The following R3HDM1 variants were observed in gnomAD, a reference collection of about 807,000 sequenced individuals.
R3HDM1 encodes the protein R3H domain containing 1.
A neutral mutation model predicts 141.1 loss-of-function variants in R3HDM1; 46 were observed. The ratio of observed to expected loss-of-function variants is 0.33; its 90% CI spans 0.26 to 0.42. R3HDM1 has a LOEUF of 0.42. Ranked by LOEUF, R3HDM1 falls within the 10% of genes least tolerant of loss-of-function variation. The pLI is 1.00. For synonymous variants in R3HDM1, 435 were observed against 472.9 expected (o/e 0.92, Z 1.04); for missense variants, 1,184 against 1,368.3 (o/e 0.87, Z 2.12).
At chr2:135,625,248 G>A (rs917079849) in intron 7 of R3HDM1, among the ~76,000 whole-genome samples, 6 of 152,088 alleles carry the variant, frequency 3.9e-5, no homozygotes, top group Admixed American at 1.3e-4. Flanking sequence ...TCAGGAGTTC[G>A]ACACCAGCCT....
At chr2:135,577,033 C>A in intron 1 of R3HDM1, 2 of 805,194 alleles carry the variant, frequency 2.5e-6, no homozygotes, top group Non-Finnish European at 1.5e-6. Flanking sequence ...CAATAATTAG[C>A]TGTTACAAAA....
At position 135,616,708 on chromosome 2, in the gene R3HDM1, G is replaced by T; in HGVS notation, c.254G>T (p.Cys85Phe). The stretch of plus-strand genomic sequence containing the variant: ...AAGCTAGTTCGGAGCCTTGCAGTGT[G>T]TGAAGAATCTCCACCACCCCCTGCA... Reference protein sequence around the residue: ...KLKLVRSLAVCEESPPPPAPE... With the variant: ...KLKLVRSLAVFEESPPPPAPE... The change falls in exon 5 of 27, where the codon TGT becomes TTT. Residue 85 changes from cysteine (C) to phenylalanine (F), a missense_variant. Physicochemically the swap from Cys to Phe is radical, Grantham distance 205. Coordinates refer to ENST00000683871, the MANE Select transcript of R3HDM1 (RefSeq NM_001378107.1). The T allele has an allele frequency of 6.2e-7, 1 of 1,609,984 alleles. No individual in the cohort carries two copies. The highest frequency in any genetic ancestry group is 8.5e-7 in the Non-Finnish European group (1 of 1,177,556).
At chr2:135,641,395 C>T (rs1484218257) in intron 14 of R3HDM1, 141 bp from the exon 15 acceptor site, 8 of 977,116 alleles carry the variant, frequency 8.2e-6, no homozygotes, top group South Asian at 1.8e-5. Context: ...GGTAAGCAAA[C>T]GTGGACAGTA....
chr2:135,673,886 A>G (rs573111380), intron 19 of R3HDM1, among the ~76,000 whole-genome samples: 1 of 151,994 alleles, frequency 6.6e-6, no homozygotes, highest in South Asian at 2.1e-4. Context: ...GTTTTTTGAG[A>G]CAAGGGTCTT....
chr2:135,710,343 G>A, intron 23 of R3HDM1, 112 bp downstream of exon 23: 5 of 1,164,740 alleles, frequency 4.3e-6, no homozygotes, highest in East Asian at 2.6e-5. Context: ...AAAGAATTTG[G>A]GCCAGGCGCG....
chr2:135,695,374 T>G (rs922418879), intron 21 of R3HDM1, among the ~76,000 whole-genome samples: 1 of 151,898 alleles, frequency 6.6e-6, no homozygotes, highest in Admixed American at 6.6e-5. Context: ...AGTATAAAAA[T>G]CAGAGAGGGA....
intron 1 of R3HDM1, among the ~76,000 whole-genome samples, chr2:135,536,119 G>A (rs1696043268): frequency 6.6e-6 from 1 of 152,014 alleles, no homozygotes; most frequent in South Asian, 2.1e-4. Context: ...CAAGGTGTAA[G>A]GTTTTTGAGC....
chr2:135,681,673 T>C (rs2070335178), intron 21 of R3HDM1, among the ~76,000 whole-genome samples: 2 of 152,106 alleles, frequency 1.3e-5, no homozygotes, highest in Non-Finnish European at 2.9e-5. Flanking sequence ...GATGGAGTAG[T>C]TTTAGGCCCT....
intron 21 of R3HDM1, among the ~76,000 whole-genome samples, chr2:135,682,725 G>T (rs537596608): frequency 1.1e-4 from 17 of 152,360 alleles, no homozygotes; most frequent in African/African-American, 3.1e-4. Flanking sequence ...TGTTGGGCAT[G>T]GTGGCTCACG....
chr2:135,721,511 T>A (rs2076694567), intron 24 of R3HDM1: 1 of 170,646 alleles, frequency 5.9e-6, no homozygotes, highest in Non-Finnish European at 1.3e-5. Context: ...ATACTTTTTT[T>A]ATGCCACCAT....
intron 1 of R3HDM1, among the ~76,000 whole-genome samples, chr2:135,556,967 A>T (rs1700901863): frequency 6.6e-6 from 1 of 152,012 alleles, no homozygotes; most frequent in Non-Finnish European, 1.5e-5. Context: ...TTTTTTTTAA[A>T]CCCAAAGAAT....
intron 19 of R3HDM1, chr2:135,670,256 AT>A: frequency 2.2e-6 from 2 of 903,296 alleles, no homozygotes; most frequent in Non-Finnish European, 2.6e-6. Flanking sequence ...TTTAAATTAT[AT>A]TTTAAGTGAA....
Position 135,656,956 on chromosome 2 carries a change from G to C in R3HDM1, c.2029-4314G>C, listed in dbSNP as rs185983241. 1.9e-3 allele frequency among the ~76,000 whole-genome samples: 282 copies of C among 151,464 alleles called. 1 individual carries two copies. Among genetic ancestry groups the C allele is most frequent in the Non-Finnish European group, 2.0e-3 (136 of 67,862 alleles). On this transcript the variant is annotated intron_variant, in intron 18 of 26. Coordinates refer to ENST00000683871, the MANE Select transcript of R3HDM1 (RefSeq NM_001378107.1). ...TAAAAATACAAAAAAAAAATTAGCC[G>C]GACCTGGTGGTGGGTGCCTATAATC...
rs755333723 is a variant in R3HDM1, at chr2:135,636,098, G to A, written c.818G>A (p.Arg273His). The A allele has an allele frequency of 6.8e-6, 11 of 1,612,882 alleles. No individual in the cohort carries two copies. Among genetic ancestry groups the A allele is most frequent in the Admixed American group, 5.0e-5 (3 of 59,906 alleles). ...FDKDDNQMRI[R>H]LKDDRRSKSI... Reference sequence around the variant, plus strand: ...TCCTCTTTTCTGTAGATGAGAATACGTTTGAAAGATGACAGAAGAAGCAAA... The same window carrying A: ...TCCTCTTTTCTGTAGATGAGAATACATTTGAAAGATGACAGAAGAAGCAAA... The change falls in exon 11 of 27, where the codon CGT (arginine) becomes CAT (histidine). Residue 273 changes from arginine (R) to histidine (H), a missense_variant. This residue lies in a region of R3HDM1 where 240 missense variants were observed against 312.3 expected (regional missense o/e 0.77). Transcript: ENST00000683871.
chr2:135,712,342 C>T (rs1438556659), intron 23 of R3HDM1, among the ~76,000 whole-genome samples: 1 of 151,636 alleles, frequency 6.6e-6, no homozygotes, highest in African/African-American at 2.4e-5. Flanking sequence ...GGGCCTACTG[C>T]AGCTTCCATC....
At chr2:135,686,578 A>T (rs985734568) in intron 21 of R3HDM1, among the ~76,000 whole-genome samples, 3 of 152,162 alleles carry the variant, frequency 2.0e-5, no homozygotes, top group Admixed American at 1.3e-4. Flanking sequence ...TCTACAAAAA[A>T]TTTAAAAAGT....
Position 135,604,977 on chromosome 2 carries a change from G to A in R3HDM1, c.132G>A (p.Glu44=), listed in dbSNP as rs377546489. The change falls in exon 3 of 27, where the codon GAG becomes GAA. Residue 44 remains glutamate (E), a synonymous_variant. Coordinates refer to ENST00000683871, the MANE Select transcript of R3HDM1 (RefSeq NM_001378107.1). ...KSENYGKILV[E]KNEHCIENNI... Reference sequence around the variant, plus strand: ...AAAACTATGGGAAGATTTTGGTAGAGAAGAATGAACATTGTATTGAGAACA... The same window carrying A: ...AAAACTATGGGAAGATTTTGGTAGAAAAGAATGAACATTGTATTGAGAACA... 4 of 1,611,766 alleles carry A rather than the reference G, an allele frequency of 2.5e-6. No individual in the cohort carries two copies. Among genetic ancestry groups the A allele is most frequent in the Non-Finnish European group, 3.4e-6 (4 of 1,178,310 alleles).
In R3HDM1 at chr2:135,641,654, T is replaced by C. The variant is rs774793251; in HGVS notation, c.1338T>C (p.Thr446=). The change falls in exon 15 of 27, where the codon ACT becomes ACC. Residue 446 remains threonine (T), a synonymous_variant. Transcript: ENST00000683871. The part of the protein sequence containing the change: ...SSHGAPVVYP[T]VSTHSSLSFD... ...ATGGCGCACCTGTCGTCTATCCAACTGTCAGCACTCATAGTTCTCTTTCCT... is the reference window on the plus strand; with the variant it reads ...ATGGCGCACCTGTCGTCTATCCAACCGTCAGCACTCATAGTTCTCTTTCCT... 6.2e-7 allele frequency: 1 copy of C among 1,614,182 alleles called. No homozygotes were observed. Among genetic ancestry groups the C allele is most frequent in the African/African-American group, 1.3e-5 (1 of 75,048 alleles).
intron 19 of R3HDM1, chr2:135,667,675 T>G: frequency 2.0e-6 from 2 of 977,626 alleles, no homozygotes; most frequent in Non-Finnish European, 2.4e-6. Context: ...ACTCTTCTTG[T>G]AGCATTTTTG....
Sources: allele counts gnomAD v4.1 joint callset (sites outside exome capture counted in the v4.1 genomes callset), GRCh38; gene constraint gnomAD v4.1.1; regional missense constraint gnomAD v4.1.1; transcripts MANE v1.5; gene names NCBI Gene and HGNC (gene_info 2026-07-23, HGNC 2026-07-21).